CNTNAP2: variants seen among roughly 807,000 people sequenced by gnomAD.
CNTNAP2 encodes contactin-associated protein-like 2.
A neutral mutation model predicts 155.2 loss-of-function variants in CNTNAP2; 98 were observed. The observed-to-expected ratio is 0.63, with a 90% CI of 0.54 to 0.75. CNTNAP2 has a LOEUF of 0.75. Among genes scored for constraint, CNTNAP2 ranks in the 30% least tolerant of loss-of-function variants. CNTNAP2 has a pLI of 0.00. For synonymous variants in CNTNAP2, 651 were observed against 631.2 expected, an observed-to-expected ratio of 1.03 and a Z score of -0.47; for missense variants, 1,727 against 1,688.1, an observed-to-expected ratio of 1.02 and a Z score of -0.40.
intron 3 of CNTNAP2, among the ~76,000 whole-genome samples, chr7:146,964,424 C>T (rs895316453): frequency 6.6e-6 from 1 of 152,104 alleles, no homozygotes; most frequent in Non-Finnish European, 1.5e-5. Flanking sequence ...ACAGTAAAGT[C>T]CTAAAACAAA....
intron 1 of CNTNAP2, among the ~76,000 whole-genome samples, chr7:146,215,979 G>A (rs1406029755): frequency 1.3e-5 from 2 of 152,214 alleles, no homozygotes; most frequent in Non-Finnish European, 2.9e-5. Flanking sequence ...AATACATGGG[G>A]TTATGGGGAA....
chr7:146,214,023 G>A (rs901957583), intron 1 of CNTNAP2, among the ~76,000 whole-genome samples: 2 of 152,096 alleles, frequency 1.3e-5, no homozygotes, highest in Non-Finnish European at 2.9e-5. Context: ...CTAGGAAGAG[G>A]CTTCATTGTG....
intron 11 of CNTNAP2, among the ~76,000 whole-genome samples, chr7:147,498,791 T>G (rs1009478139): frequency 5.9e-5 from 9 of 152,196 alleles, no homozygotes; most frequent in African/African-American, 2.2e-4. Flanking sequence ...AGTGGTAGTT[T>G]TTTTTCCCAT....
At chr7:147,878,443 C>CCT (rs2116711891) in intron 13 of CNTNAP2, among the ~76,000 whole-genome samples, 1 of 151,074 alleles carries the variant, frequency 6.6e-6, no homozygotes, top group Non-Finnish European at 1.5e-5. Context: ...TTGAATTATT[C>CCT]TTTTTTTTTG....
At chr7:147,802,864 GGTAACGT>G (rs1280356252) in intron 13 of CNTNAP2, among the ~76,000 whole-genome samples, 1 of 151,558 alleles carries the variant, frequency 6.6e-6, no homozygotes, top group African/African-American at 2.4e-5. Flanking sequence ...GCACTTTTAA[GGTAACGT>G]GTAGGTTAAT....
In CNTNAP2 at chr7:148,419,600, A is replaced by AT. The variant is rs35835723; in HGVS notation, c.*3999dup. ...AGGCACCCGCCATCACACCCAGCTA[A>AT]TTTTTTTTTTTTTTTGTATTATTAG... On this transcript the variant is annotated 3_prime_UTR_variant, in exon 24 of 24. Coordinates refer to ENST00000361727, the MANE Select transcript of CNTNAP2 (RefSeq NM_014141.6). The AT allele has an allele frequency of 0.62, 88,725 of 142,274 alleles. 29,842 individuals carry two copies. The highest frequency in any genetic ancestry group is 0.75 in the Admixed American group (10,630 of 14,232). The allele number at this position is 142,274 out of a possible 1,614,324, so 8.8% of individuals were successfully genotyped here.
chr7:148,321,764 T>C (rs1280175108), intron 21 of CNTNAP2, among the ~76,000 whole-genome samples: 1 of 152,126 alleles, frequency 6.6e-6, no homozygotes, highest in African/African-American at 2.4e-5. Flanking sequence ...CTTGCTTCGA[T>C]GCACTGTCTC....
chr7:146,837,149 T>A (rs2129199919), intron 2 of CNTNAP2, among the ~76,000 whole-genome samples: 1 of 152,250 alleles, frequency 6.6e-6, no homozygotes, highest in East Asian at 1.9e-4. Flanking sequence ...TATTTTATTC[T>A]GACCCAATCT....
intron 1 of CNTNAP2, among the ~76,000 whole-genome samples, chr7:146,376,303 T>TA (rs1795302770): frequency 1.3e-5 from 2 of 152,166 alleles, no homozygotes; most frequent in African/African-American, 4.8e-5. Flanking sequence ...CTTACTCTCT[T>TA]AGAGTCTTAC....
intron 6 of CNTNAP2, among the ~76,000 whole-genome samples, chr7:147,126,052 TC>T (rs1267061382): frequency 6.6e-6 from 1 of 152,126 alleles, no homozygotes; most frequent in Non-Finnish European, 1.5e-5. Flanking sequence ...GACTGTGTCC[TC>T]CCCCTCTTAA....
At chr7:148,072,961 GC>G (rs796918774) in intron 15 of CNTNAP2, among the ~76,000 whole-genome samples, 9 of 152,200 alleles carry the variant, frequency 5.9e-5, no homozygotes, top group African/African-American at 1.9e-4. Context: ...GCCCGCCTCG[GC>G]CCCCCAAAGT....
chr7:147,661,742 G>A (rs1281012206), intron 13 of CNTNAP2, among the ~76,000 whole-genome samples: 3 of 151,852 alleles, frequency 2.0e-5, no homozygotes, highest in Non-Finnish European at 4.4e-5. Flanking sequence ...TAGTAGAGAC[G>A]GGGTTTCACC....
chr7:148,309,629 A>T lies in CNTNAP2; in HGVS notation c.3475+42503A>T, dbSNP rs1335575928. 2.6e-5 allele frequency among the ~76,000 whole-genome samples: 4 copies of T among 152,116 alleles called. No homozygotes were observed. The South Asian group carries it at 8.3e-4, about 32-fold the overall frequency. Reference sequence around the variant, plus strand: ...CAGGAGTGGGGGTCACAGGGTGCTCAGTAGGGGAGCTTTTGAGCCAGGATG... The same window carrying T: ...CAGGAGTGGGGGTCACAGGGTGCTCTGTAGGGGAGCTTTTGAGCCAGGATG... On this transcript the variant is annotated intron_variant, in intron 21 of 23. Transcript: ENST00000361727.
In CNTNAP2 at chr7:146,595,330, A is replaced by G. The variant is rs766551540; in HGVS notation, c.98-178941A>G. Among the ~76,000 whole-genome samples, 164 of 152,090 alleles carry G rather than the reference A, an allele frequency of 1.1e-3. 3 individuals are homozygous for G. Among genetic ancestry groups the G allele is most frequent in the Non-Finnish European group, 1.8e-4 (12 of 68,002 alleles). On this transcript the variant is annotated intron_variant, in intron 1 of 23. Coordinates refer to ENST00000361727, the MANE Select transcript of CNTNAP2 (RefSeq NM_014141.6). ...CCTCAAATCATCCTCCAAAGATACT[A>G]ATAATCTAGTTATTGAGTTATATAA...
At chr7:147,422,561 T>C (rs1584939811) in intron 10 of CNTNAP2, among the ~76,000 whole-genome samples, 1 of 152,282 alleles carries the variant, frequency 6.6e-6, no homozygotes, top group East Asian at 1.9e-4. Context: ...AGACCCTGTT[T>C]AGATCCTGAC....
intron 8 of CNTNAP2, among the ~76,000 whole-genome samples, chr7:147,228,252 A>G (rs1174718583): frequency 6.6e-6 from 1 of 152,200 alleles, no homozygotes; most frequent in African/African-American, 2.4e-5. Flanking sequence ...TACAAAGGGG[A>G]TCAGAAAAAT....
intron 9 of CNTNAP2, among the ~76,000 whole-genome samples, chr7:147,318,423 C>T (rs1003226983): frequency 2.0e-5 from 3 of 152,046 alleles, no homozygotes. Flanking sequence ...AACAGAGCAA[C>T]CCTCTTTTGT....
At chr7:147,649,554 CA>C (rs1795418636) in intron 13 of CNTNAP2, among the ~76,000 whole-genome samples, 1 of 151,942 alleles carries the variant, frequency 6.6e-6, no homozygotes, top group South Asian at 2.1e-4. Flanking sequence ...GAAATTACAC[CA>C]AAGCTGAATT....
intron 17 of CNTNAP2, among the ~76,000 whole-genome samples, chr7:148,151,433 G>A (rs556684821): frequency 4.5e-4 from 69 of 152,100 alleles, no homozygotes; most frequent in African/African-American, 1.1e-3. Flanking sequence ...GGCCTCCTGT[G>A]TAGCTGGGAT....
Sources: allele counts gnomAD v4.1 joint callset (sites outside exome capture counted in the v4.1 genomes callset), GRCh38; gene constraint gnomAD v4.1.1; transcripts MANE v1.5; gene names NCBI Gene and HGNC (gene_info 2026-07-23, HGNC 2026-07-21).